The following HIF1A variants were observed in gnomAD, a reference collection of about 807,000 sequenced individuals.
HIF1A encodes the protein hypoxia inducible factor 1 subunit alpha.
A neutral mutation model predicts 92.7 loss-of-function variants in HIF1A; 24 were observed. That is an observed-to-expected ratio of 0.26 (90% confidence interval 0.19 to 0.36). The LOEUF (loss-of-function observed/expected upper bound fraction) is 0.36, where lower values mean the gene tolerates loss of function less well. HIF1A is among the 10% of genes least tolerant of loss of function. The pLI, the probability that HIF1A is intolerant of heterozygous loss-of-function variation, is 1.00. For synonymous variants in HIF1A, 319 were observed against 338.7 expected (o/e 0.94, Z 0.64); for missense variants, 799 against 998.5 (o/e 0.80, Z 2.69).
At chr14:61,719,805 A>G (rs1488005088) in intron 1 of HIF1A, among the ~76,000 whole-genome samples, 2 of 152,154 alleles carry the variant, frequency 1.3e-5, no homozygotes, top group Non-Finnish European at 2.9e-5. Context: ...GGAGGAGGCA[A>G]CCTGCACTGG....
intron 6 of HIF1A, 109 bp downstream of exon 6, chr14:61,727,764 T>C (rs2044524120): frequency 1.2e-6 from 1 of 817,008 alleles, no homozygotes; most frequent in African/African-American, 1.7e-5. Context: ...GGCTCACACC[T>C]GTAATCCCAG....
chr14:61,722,813 T>C (rs4899056), intron 4 of HIF1A, among the ~76,000 whole-genome samples: 108,609 of 152,220 alleles, frequency 0.71, 44,698 homozygotes, highest in Non-Finnish European at 0.9. Context: ...TAGGAATTAA[T>C]TGTTAAAAAT....
intron 9 of HIF1A, among the ~76,000 whole-genome samples, chr14:61,737,781 C>T (rs556791099): frequency 1.3e-5 from 2 of 152,280 alleles, no homozygotes; most frequent in South Asian, 2.1e-4. Flanking sequence ...AATCCCAGCA[C>T]TTTGGGAGGC....
rs1176630262 is a variant in HIF1A at position 61,724,376 on chromosome 14, T to TCTCTCTCTCTCTCTCTCTCC, written c.458-2325_458-2324insTCTCTCTCTCTCTCCCTCTC. On this transcript the variant is annotated intron_variant, in intron 4 of 14. Transcript: ENST00000337138. Reference sequence around the variant, plus strand: ...CTCTCTCTCTCTCTCTCTCTCTCTCTCTCTCCCCCTCCCTCCCGCACTCCT... The same window carrying TCTCTCTCTCTCTCTCTCTCC: ...CTCTCTCTCTCTCTCTCTCTCTCTCTCTCTCTCTCTCTCTCTCTCCCTCTCCCCCTCCCTCCCGCACTCCT... Among the ~76,000 whole-genome samples the TCTCTCTCTCTCTCTCTCTCC allele has an allele frequency of 4.7e-5, 7 of 150,284 alleles. No individual in the cohort carries two copies. In the South Asian group the frequency reaches 1.5e-3, roughly 32 times the overall value.
At chr14:61,745,946 G>A in intron 14 of HIF1A, 129 bp downstream of exon 14, 1 of 816,330 alleles carries the variant, frequency 1.2e-6, no homozygotes, top group Non-Finnish European at 1.9e-6. Flanking sequence ...AGTTGTGGCT[G>A]GGCGCGGTGG....
intron 4 of HIF1A, among the ~76,000 whole-genome samples, chr14:61,724,375 C>CTCTCTCTCTCTCTCTCTCTCTCTT: frequency 1.3e-5 from 2 of 150,584 alleles, no homozygotes; most frequent in African/African-American, 4.9e-5. Context: ...CTCTCTCTCT[C>CTCTCTCTCTCTCTCTCTCTCTCTT]TCTCTCCCCC....
rs2044815648 is a variant in HIF1A, at chr14:61,748,027, CAAT to C, written c.*943_*945del. The C allele has an allele frequency of 6.6e-6, 1 of 152,276 alleles. No individual in the cohort carries two copies. The highest frequency in any genetic ancestry group is 1.5e-5 in the Non-Finnish European group (1 of 67,900). 9.4% of individuals were successfully genotyped at this position (152,276 alleles called of 1,614,324 possible). ...CTAGTATGTTAATTTGCTCAAAATA[CAAT>C]GTTTGATTTTATGCACTTTGTCGCT... On this transcript the variant is annotated 3_prime_UTR_variant, in exon 15 of 15. Coordinates refer to ENST00000337138, the MANE Select transcript of HIF1A (RefSeq NM_001530.4).
At chr14:61,729,534 T>C (rs2044549996) in intron 6 of HIF1A, among the ~76,000 whole-genome samples, 3 of 151,668 alleles carry the variant, frequency 2.0e-5, no homozygotes, top group Admixed American at 2.0e-4. Flanking sequence ...ATTGAGTGCC[T>C]AGTACAGATA....
intron 1 of HIF1A, among the ~76,000 whole-genome samples, chr14:61,702,273 C>CAAAAAA (rs34312928): frequency 9.8e-6 from 1 of 101,962 alleles, no homozygotes; most frequent in African/African-American, 4.2e-5. Flanking sequence ...ACTAAAAATA[C>CAAAAAA]AAAAAAAAAA....
chr14:61,727,174 T>C (rs2044515791), intron 5 of HIF1A, among the ~76,000 whole-genome samples: 1 of 152,200 alleles, frequency 6.6e-6, no homozygotes, highest in African/African-American at 2.4e-5. Context: ...AAGAAATAAC[T>C]ATCAAACAGC....
intron 1 of HIF1A, among the ~76,000 whole-genome samples, chr14:61,699,765 G>T (rs952323958): frequency 2.6e-4 from 40 of 152,082 alleles, no homozygotes; most frequent in Admixed American, 2.1e-3. Flanking sequence ...CCCAGTGTGT[G>T]TATGTGTTTT....
intron 14 of HIF1A, among the ~76,000 whole-genome samples, chr14:61,746,155 C>T (rs967487934): frequency 6.9e-6 from 1 of 145,868 alleles, no homozygotes; most frequent in Non-Finnish European, 1.5e-5. Flanking sequence ...ACCCGGAAGG[C>T]AGAGGTTGCA....
At chr14:61,712,435 G>C (rs2044318227) in intron 1 of HIF1A, among the ~76,000 whole-genome samples, 1 of 151,562 alleles carries the variant, frequency 6.6e-6, no homozygotes, top group Non-Finnish European at 1.5e-5. Flanking sequence ...CTCTAAATGA[G>C]GCAAAAACCA....
intron 12 of HIF1A, 139 bp from the exon 13 acceptor site, chr14:61,744,566 G>C: frequency 2.5e-6 from 1 of 403,182 alleles, no homozygotes; most frequent in Non-Finnish European, 4.5e-6. Flanking sequence ...ATAAACTTTA[G>C]TGATCAGGAA....
rs201307354 is a variant in HIF1A at position 61,741,126 on chromosome 14, A to G, written c.2031A>G (p.Ile677Met). 5.6e-6 allele frequency: 9 copies of G among 1,613,364 alleles called. No individual in the cohort carries two copies. Among genetic ancestry groups the G allele is most frequent in the Non-Finnish European group, 7.6e-6 (9 of 1,179,864 alleles). ...CAAACAGAGCAGGAAAAGGAGTCAT[A>G]GAACAGACAGAAAAATCTCATCCAA... The part of the protein sequence containing the change: ...ASPNRAGKGV[I>M]EQTEKSHPRS... Residue 677 changes from isoleucine (I) to methionine (M), a missense_variant, in exon 12 of 15, where the codon ATA (isoleucine) becomes ATG (methionine). Around this residue, in one of 2 missense-constraint regions of HIF1A, gnomAD observed 283 missense variants for 277.5 expected, o/e 1.02. Transcript: ENST00000337138.
chr14:61,702,915 A>AT (rs1189243080), intron 1 of HIF1A, among the ~76,000 whole-genome samples: 2 of 152,032 alleles, frequency 1.3e-5, no homozygotes, highest in Non-Finnish European at 2.9e-5. Context: ...TTACATCTAC[A>AT]TTTTTTCCCA....
chr14:61,727,484 A>G lies in HIF1A; in HGVS notation c.602A>G (p.Tyr201Cys), dbSNP rs2044521150. ...CACTGCACAGGCCACATTCACGTATATGATACCAACAGTAACCAACCTCAG... is the reference window on the plus strand; with the variant it reads ...CACTGCACAGGCCACATTCACGTATGTGATACCAACAGTAACCAACCTCAG... ...VLHCTGHIHV[Y>C]DTNSNQPQCG... The change falls in exon 6 of 15, where the codon TAT becomes TGT. Residue 201 changes from tyrosine to cysteine, a missense_variant. Coordinates refer to ENST00000337138, the MANE Select transcript of HIF1A (RefSeq NM_001530.4). 1 of 1,613,806 alleles carries G rather than the reference A, an allele frequency of 6.2e-7. No individual in the cohort carries two copies. Among genetic ancestry groups the G allele is most frequent in the Non-Finnish European group, 8.5e-7 (1 of 1,179,844 alleles).
Position 61,740,883 on chromosome 14 carries a change from A to C in HIF1A, c.1788A>C (p.Gln596His), listed in dbSNP as rs1311390641. The C allele has an allele frequency of 6.2e-6, 10 of 1,614,102 alleles. No individual in the cohort carries two copies. The highest frequency in any genetic ancestry group is 8.5e-6 in the Non-Finnish European group (10 of 1,180,044). Residue 596 changes from glutamine (Q) to histidine (H), a missense_variant, in exon 12 of 15, where the codon CAA becomes CAC. Coordinates refer to ENST00000337138, the MANE Select transcript of HIF1A (RefSeq NM_001530.4). ...SSASPESASP[Q>H]STVTVFQQTQ... is the part of the protein sequence containing the mutation. ...CAAGCCCTGAAAGCGCAAGTCCTCA[A>C]AGCACAGTTACAGTATTCCAGCAGA... is the stretch of plus-strand genomic sequence containing the variant.
At chr14:61,742,885 C>CAAAA (rs766112676) in intron 12 of HIF1A, among the ~76,000 whole-genome samples, 923 of 16,528 alleles carry the variant, frequency 0.056, 14 homozygotes, top group Non-Finnish European at 0.17. Flanking sequence ...AACTCGGTTT[C>CAAAA]AAAAAAAAAA....
Sources: allele counts gnomAD v4.1 joint callset (sites outside exome capture counted in the v4.1 genomes callset), GRCh38; gene constraint gnomAD v4.1.1; regional missense constraint gnomAD v4.1.1; transcripts MANE v1.5; gene names NCBI Gene and HGNC (gene_info 2026-07-23, HGNC 2026-07-21).